The following SIL1 variants were observed in gnomAD, a reference collection of about 807,000 sequenced individuals.
SIL1 encodes the protein SIL1 nucleotide exchange factor.
A neutral mutation model predicts 49.1 loss-of-function variants in SIL1; 40 were observed. The ratio of observed to expected loss-of-function variants is 0.81; its 90% CI spans 0.63 to 1.06. The LOEUF is 1.06. Ranked by LOEUF, SIL1 falls within the 50% of genes least tolerant of loss-of-function variation. The pLI, the probability that SIL1 is intolerant of heterozygous loss-of-function variation, is 0.00. For missense variants in SIL1, 500 were observed against 572.6 expected, an observed-to-expected ratio of 0.87 and a Z score of 1.29; for synonymous variants, 253 against 250.8, an observed-to-expected ratio of 1.01 and a Z score of -0.08.
intron 4 of SIL1, 94 bp from the exon 5 acceptor site, chr5:139,042,813 G>C: frequency 9.0e-7 from 1 of 1,105,034 alleles, no homozygotes; most frequent in Non-Finnish European, 1.4e-6. Context: ...CAAGATGGAA[G>C]GATACCAAGA....
chr5:139,122,830 C>T (rs1750673849), intron 2 of SIL1, among the ~76,000 whole-genome samples: 1 of 152,074 alleles, frequency 6.6e-6, no homozygotes, highest in Non-Finnish European at 1.5e-5. Flanking sequence ...AGAAGAAGCT[C>T]TCAAATCTAA....
chr5:139,015,381 C>T (rs1768376417), intron 7 of SIL1, among the ~76,000 whole-genome samples: 1 of 151,830 alleles, frequency 6.6e-6, no homozygotes, highest in South Asian at 2.1e-4. Flanking sequence ...TGGAAATATC[C>T]AGATGAATTC....
chr5:139,141,963 A>G (rs751022487), intron 1 of SIL1, among the ~76,000 whole-genome samples: 5 of 152,280 alleles, frequency 3.3e-5, no homozygotes, highest in African/African-American at 9.6e-5. Context: ...CAGACCATAC[A>G]CTCATCAGCC....
intron 1 of SIL1, 72 bp from the exon 2 acceptor site, chr5:139,127,925 C>A: frequency 2.2e-6 from 2 of 923,136 alleles, no homozygotes; most frequent in East Asian, 2.7e-5. Flanking sequence ...CTGTGATTCC[C>A]ATGTCGTCAC....
At chr5:139,192,359 G>T (rs1000279891) in intron 1 of SIL1, among the ~76,000 whole-genome samples, 1 of 152,200 alleles carries the variant, frequency 6.6e-6, no homozygotes, top group Non-Finnish European at 1.5e-5. Context: ...AGAGATGGAA[G>T]TAGCCAGATG....
chr5:139,111,262 C>G (rs1245064021), intron 3 of SIL1, among the ~76,000 whole-genome samples: 1 of 152,216 alleles, frequency 6.6e-6, no homozygotes, highest in Admixed American at 6.5e-5. Flanking sequence ...CAATTTCTGT[C>G]TATATCCCTA....
chr5:139,016,782 G>A (rs1213210656), intron 7 of SIL1: 2 of 152,068 alleles, frequency 1.3e-5, no homozygotes, highest in African/African-American at 4.8e-5. Flanking sequence ...CAGATTGTAG[G>A]AATAGTAGTT....
intron 3 of SIL1, among the ~76,000 whole-genome samples, chr5:139,112,976 G>C (rs1770902628): frequency 1.3e-5 from 2 of 152,262 alleles, no homozygotes; most frequent in African/African-American, 4.8e-5. Context: ...GCCTTGGGAT[G>C]CTGTTCATCT....
intron 1 of SIL1, among the ~76,000 whole-genome samples, chr5:139,162,520 T>C (rs1027362382): frequency 3.9e-5 from 6 of 152,106 alleles, no homozygotes; most frequent in African/African-American, 1.4e-4. Context: ...AAGGGGAAAA[T>C]GGCCTCTCCA....
intron 3 of SIL1, among the ~76,000 whole-genome samples, chr5:139,090,321 T>G (rs1432067296): frequency 2.6e-5 from 4 of 152,196 alleles, no homozygotes; most frequent in African/African-American, 9.7e-5. Flanking sequence ...ACCTGACTGT[T>G]AAGAGTTGAA....
At chr5:139,192,207 T>C (rs1023815902) in intron 1 of SIL1, among the ~76,000 whole-genome samples, 1 of 143,880 alleles carries the variant, frequency 7.0e-6, no homozygotes, top group Non-Finnish European at 1.5e-5. Flanking sequence ...CTGGGCAACA[T>C]AGCAAGACCC....
intron 1 of SIL1, among the ~76,000 whole-genome samples, chr5:139,189,052 G>A (rs1752123360): frequency 6.6e-6 from 1 of 152,222 alleles, no homozygotes; most frequent in Non-Finnish European, 1.5e-5. Context: ...TGAGGTGATG[G>A]TTAAGATAAA....
chr5:139,146,879 T>G (rs928119036), intron 1 of SIL1, among the ~76,000 whole-genome samples: 6 of 152,230 alleles, frequency 3.9e-5, no homozygotes, highest in Non-Finnish European at 5.9e-5. Context: ...TGGATTTTAT[T>G]TGCCATATTT....
chr5:139,003,113 G>C (rs1198798515), intron 7 of SIL1, among the ~76,000 whole-genome samples: 1 of 152,042 alleles, frequency 6.6e-6, no homozygotes, highest in Non-Finnish European at 1.5e-5. Flanking sequence ...CATCTCAGGA[G>C]CTGGGGAAAG....
intron 1 of SIL1, among the ~76,000 whole-genome samples, chr5:139,136,981 C>T (rs972640805): frequency 7.9e-5 from 12 of 152,134 alleles, no homozygotes; most frequent in African/African-American, 2.4e-4. Context: ...TAAGAAGAAA[C>T]TCCCATCAGA....
intron 6 of SIL1, chr5:139,022,523 G>A (rs952460496): frequency 6.6e-6 from 1 of 152,180 alleles, no homozygotes; most frequent in Non-Finnish European, 1.5e-5. Flanking sequence ...CATATGGTTA[G>A]GTGTTCAATG....
In SIL1 at chr5:139,143,348, T is replaced by C. The variant is rs866787853; in HGVS notation, c.-10-15495A>G. 4.0e-3 allele frequency among the ~76,000 whole-genome samples: 542 copies of C among 136,408 alleles called. 2 individuals are homozygous for C. The highest frequency in any genetic ancestry group is 8.0e-3 in the African/African-American group (277 of 34,458). The allele number at this position is 136,408 out of a possible 152,430, so 89.5% of individuals were successfully genotyped here. On this transcript the variant is annotated intron_variant, in intron 1 of 9. Coordinates refer to ENST00000394817, the MANE Select transcript of SIL1 (RefSeq NM_022464.5). ...ACACACACACACACACACACACATATATATATATATATATATATGGTTTTT... is the reference window on the plus strand; with the variant it reads ...ACACACACACACACACACACACATACATATATATATATATATATGGTTTTT...
At chr5:138,973,342 T>G (rs1008282286) in intron 7 of SIL1, among the ~76,000 whole-genome samples, 5 of 151,882 alleles carry the variant, frequency 3.3e-5, no homozygotes, top group African/African-American at 1.2e-4. Context: ...AATAAGTAAT[T>G]TAAATAATTA....
intron 1 of SIL1, among the ~76,000 whole-genome samples, chr5:139,191,825 C>T (rs1176410077): frequency 6.6e-6 from 1 of 151,886 alleles, no homozygotes; most frequent in Non-Finnish European, 1.5e-5. Flanking sequence ...GCCTGTAATC[C>T]CAGCACTTTG....
Sources: allele counts gnomAD v4.1 joint callset (sites outside exome capture counted in the v4.1 genomes callset), GRCh38; gene constraint gnomAD v4.1.1; transcripts MANE v1.5; gene names NCBI Gene and HGNC (gene_info 2026-07-23, HGNC 2026-07-21).